The following PTPN13 variants were observed in gnomAD, a reference collection of about 807,000 sequenced individuals.
PTPN13 encodes protein tyrosine phosphatase non-receptor type 13.
PTPN13 carries 191 observed loss-of-function variants against 284.0 expected under a neutral mutation model. The observed-to-expected ratio is 0.67, with a 90% CI of 0.60 to 0.76. The LOEUF (loss-of-function observed/expected upper bound fraction) is 0.76, where lower values mean the gene tolerates loss of function less well. Among genes scored for constraint, PTPN13 ranks in the 30% least tolerant of loss-of-function variants. The pLI is 0.00. For synonymous variants in PTPN13, 986 were observed against 1,022.3 expected (o/e 0.96, Z 0.68); for missense variants, 2,797 against 2,939.9 (o/e 0.95, Z 1.12).
intron 2 of PTPN13, among the ~76,000 whole-genome samples, chr4:86,647,157 A>G (rs1724539315): frequency 6.6e-6 from 1 of 152,178 alleles, no homozygotes; most frequent in Non-Finnish European, 1.5e-5. Context: ...TGATTGCCAT[A>G]ATAGTTTCAC....
chr4:86,711,325 C>T (rs1732394426), intron 7 of PTPN13, among the ~76,000 whole-genome samples: 1 of 152,028 alleles, frequency 6.6e-6, no homozygotes, highest in East Asian at 1.9e-4. Flanking sequence ...AATCTTAATT[C>T]TTTAAGCCAT....
intron 2 of PTPN13, among the ~76,000 whole-genome samples, chr4:86,671,986 A>G (rs558363655): frequency 6.6e-6 from 1 of 152,314 alleles, no homozygotes; most frequent in East Asian, 1.9e-4. Flanking sequence ...CCAATTTCTT[A>G]AAGGAATGCA....
At chr4:86,684,810 T>C (rs78659622) in intron 3 of PTPN13, among the ~76,000 whole-genome samples, 7,617 of 152,216 alleles carry the variant, frequency 0.05, 262 homozygotes, top group African/African-American at 0.073. Flanking sequence ...CAAAAGCACA[T>C]GGCAAGAATT....
At chr4:86,662,779 G>A (rs1726657974) in intron 2 of PTPN13, among the ~76,000 whole-genome samples, 1 of 152,204 alleles carries the variant, frequency 6.6e-6, no homozygotes, top group Non-Finnish European at 1.5e-5. Context: ...ATGACCTTGA[G>A]GTACTGGTTA....
At chr4:86,757,247 AATTT>A (rs1738086719) in intron 20 of PTPN13, among the ~76,000 whole-genome samples, 1 of 152,166 alleles carries the variant, frequency 6.6e-6, no homozygotes, top group Non-Finnish European at 1.5e-5. Flanking sequence ...ACATTTATTC[AATTT>A]ATTTAACTAG....
chr4:86,797,133 C>T (rs1743433119), intron 41 of PTPN13, among the ~76,000 whole-genome samples: 1 of 152,012 alleles, frequency 6.6e-6, no homozygotes, highest in African/African-American at 2.4e-5. Context: ...CTGGGGCGGG[C>T]AGATCACTTG....
At position 86,800,224 on chromosome 4, in the gene PTPN13, T is replaced by A. The variant is rs1175869662; in HGVS notation, c.6505+1020T>A. On this transcript the variant is annotated intron_variant, in intron 42 of 47. Transcript: ENST00000411767. ...TGTTTCACTATTACTGCCTTTTCAT[T>A]TTATTACTGAGCCAATGGAGAAATG... Among the ~76,000 whole-genome samples the A allele has an allele frequency of 2.0e-5, 3 of 152,314 alleles. No individual in the cohort carries two copies. In the East Asian group the frequency reaches 5.8e-4, roughly 29 times the overall value.
intron 47 of PTPN13, 146 bp from the exon 48 acceptor site, chr4:86,814,310 C>G (rs2149403883): frequency 3.8e-6 from 2 of 531,190 alleles, no homozygotes; most frequent in African/African-American, 1.9e-5. Flanking sequence ...CAGCCTACAC[C>G]CTGTTTCTTG....
At chr4:86,668,231 G>A (rs1242064412) in intron 2 of PTPN13, among the ~76,000 whole-genome samples, 11 of 152,058 alleles carry the variant, frequency 7.2e-5, no homozygotes, top group Non-Finnish European at 1.6e-4. Flanking sequence ...ACAGTACACG[G>A]AATTATAAGC....
At chr4:86,623,485 C>T (rs1721483743) in intron 1 of PTPN13, among the ~76,000 whole-genome samples, 1 of 152,192 alleles carries the variant, frequency 6.6e-6, no homozygotes, top group Non-Finnish European at 1.5e-5. Context: ...CACAAGTCTA[C>T]TCCTTGTCAA....
At chr4:86,785,431 T>A in intron 39 of PTPN13, 63 bp downstream of exon 39, 1 of 1,423,752 alleles carries the variant, frequency 7.0e-7, no homozygotes, top group Non-Finnish European at 9.5e-7. Context: ...TAGGGAGCAT[T>A]TTTTGAGTAA....
At chr4:86,613,994 A>T (rs1720250703) in intron 1 of PTPN13, among the ~76,000 whole-genome samples, 1 of 152,178 alleles carries the variant, frequency 6.6e-6, no homozygotes, top group South Asian at 2.1e-4. Flanking sequence ...ATCTGTTAAG[A>T]GTTGTGTATT....
At chr4:86,692,585 A>C (rs1394543355) in intron 5 of PTPN13, among the ~76,000 whole-genome samples, 1 of 152,014 alleles carries the variant, frequency 6.6e-6, no homozygotes, top group Non-Finnish European at 1.5e-5. Flanking sequence ...TTTCTCCTCT[A>C]TTTGGCCACC....
At position 86,613,772 on chromosome 4, in the gene PTPN13, G is replaced by A. The variant is rs547886907; in HGVS notation, c.-6+18983G>A. On this transcript the variant is annotated intron_variant, in intron 1 of 47. Coordinates refer to ENST00000411767, the MANE Select transcript of PTPN13 (RefSeq NM_080683.3). ...TTTGCATCGCTAGACAAAGAATAAA[G>A]ACATTTCCCCTCATTTATCTTTTTG... 2.7e-3 allele frequency among the ~76,000 whole-genome samples: 412 copies of A among 152,132 alleles called. 3 individuals carry two copies. The highest frequency in any genetic ancestry group is 9.6e-3 in the African/African-American group (398 of 41,498).
chr4:86,626,066 G>A (rs1305518978), intron 1 of PTPN13, among the ~76,000 whole-genome samples: 1 of 152,072 alleles, frequency 6.6e-6, no homozygotes, highest in Non-Finnish European at 1.5e-5. Context: ...TTTTCTGTTG[G>A]TACCTTCCAG....
intron 17 of PTPN13, 148 bp downstream of exon 17, chr4:86,745,276 A>G (rs1354513515): frequency 1.2e-5 from 9 of 765,026 alleles, no homozygotes; most frequent in Middle Eastern, 3.5e-4. Flanking sequence ...AGGTGTTACA[A>G]GTGAAGCCAA....
Position 86,770,182 on chromosome 4 carries a change from A to T in PTPN13, c.4786A>T (p.Ile1596Phe), listed in dbSNP as rs1338813449. The T allele has an allele frequency of 1.9e-6, 3 of 1,613,592 alleles. No individual in the cohort carries two copies. The highest frequency in any genetic ancestry group is 2.5e-6 in the Non-Finnish European group (3 of 1,179,656). Reference protein sequence around the residue: ...CRPPPGVLPEIDTALLTPLQS... With the variant: ...CRPPPGVLPEFDTALLTPLQS... ...ACCTCCACCTGGTGTGCTACCGGAAATTGATACTGCGCTTTTGGTGAGACT... is the reference window on the plus strand; with the variant it reads ...ACCTCCACCTGGTGTGCTACCGGAATTTGATACTGCGCTTTTGGTGAGACT... The change falls in exon 30 of 48, where the codon ATT becomes TTT. Residue 1596 changes from isoleucine to phenylalanine, a missense_variant. Transcript: ENST00000411767.
chr4:86,622,582 A>G (rs1238593375), intron 1 of PTPN13, among the ~76,000 whole-genome samples: 2 of 152,214 alleles, frequency 1.3e-5, no homozygotes, highest in African/African-American at 4.8e-5. Context: ...TATACAGTGT[A>G]TAGACCTTGT....
intron 7 of PTPN13, among the ~76,000 whole-genome samples, chr4:86,712,835 A>C (rs1732576006): frequency 6.6e-6 from 1 of 152,136 alleles, no homozygotes; most frequent in Admixed American, 6.6e-5. Flanking sequence ...GAAGGAACCC[A>C]GAGATTGAAA....
Sources: allele counts gnomAD v4.1 joint callset (sites outside exome capture counted in the v4.1 genomes callset), GRCh38; gene constraint gnomAD v4.1.1; transcripts MANE v1.5; gene names NCBI Gene and HGNC (gene_info 2026-07-23, HGNC 2026-07-21).